The following GABBR2 variants were observed in gnomAD, a reference collection of about 807,000 sequenced individuals.
GABBR2 encodes the protein gamma-aminobutyric acid type B receptor subunit 2.
Under a neutral mutation model 105.6 loss-of-function variants are expected in GABBR2, and 23 were observed. The observed-to-expected ratio is 0.22, with a 90% CI of 0.16 to 0.31. The LOEUF (loss-of-function observed/expected upper bound fraction) is 0.31, where lower values mean the gene tolerates loss of function less well. Among genes scored for constraint, GABBR2 ranks in the 10% least tolerant of loss-of-function variants. The pLI, the probability that GABBR2 is intolerant of heterozygous loss-of-function variation, is 1.00. For synonymous variants in GABBR2, 478 were observed against 499.7 expected, an observed-to-expected ratio of 0.96 and a Z score of 0.58; for missense variants, 734 against 1,245.5, an observed-to-expected ratio of 0.59 and a Z score of 6.18.
chr9:98,517,166 C>T (rs1827772903), intron 3 of GABBR2, among the ~76,000 whole-genome samples: 1 of 152,234 alleles, frequency 6.6e-6, no homozygotes, highest in African/African-American at 2.4e-5. Flanking sequence ...GGACCGCCTG[C>T]ACCCAGTGAC....
rs1828258085 is a variant in GABBR2, at chr9:98,539,928, AAAAAGAAAAAG to A, written c.630+1934_630+1944del. On this transcript the variant is annotated intron_variant, in intron 3 of 18. Coordinates refer to ENST00000259455, the MANE Select transcript of GABBR2 (RefSeq NM_005458.8). ...AGACTTCGTCTAAAAAAAAAAAAAAAAAAAGAAAAAGAAAAGAAAAAGGAAAAAGCAAGTCT... is the reference window on the plus strand; with the variant it reads ...AGACTTCGTCTAAAAAAAAAAAAAAAAAAAGAAAAAGGAAAAAGCAAGTCT... Among the ~76,000 whole-genome samples, 4 of 151,716 alleles carry A rather than the reference AAAAAGAAAAAG, an allele frequency of 2.6e-5. No individual in the cohort carries two copies. In the South Asian group the frequency reaches 8.3e-4, roughly 32 times the overall value.
chr9:98,500,641 G>A (rs559757176), intron 3 of GABBR2, among the ~76,000 whole-genome samples: 12 of 152,380 alleles, frequency 7.9e-5, no homozygotes, highest in Non-Finnish European at 7.3e-5. Context: ...GGCATGGAGA[G>A]AATGGATGGG....
chr9:98,374,731 G>A (rs1323076685), intron 11 of GABBR2, among the ~76,000 whole-genome samples: 3 of 152,116 alleles, frequency 2.0e-5, no homozygotes, highest in East Asian at 1.9e-4. Flanking sequence ...GTGCTCCTCC[G>A]CTGTGATAGG....
rs1402723382 is a variant in GABBR2 at position 98,702,638 on chromosome 9, A to G, written c.321+5779T>C. 2.6e-5 allele frequency among the ~76,000 whole-genome samples: 4 copies of G among 152,172 alleles called. No homozygotes were observed. The East Asian group carries it at 7.7e-4, about 29-fold the overall frequency. On this transcript the variant is annotated intron_variant, in intron 1 of 18. Transcript: ENST00000259455. ...AACCCTGCATTTCCAAACACACTGC[A>G]CACTTTTTTGCTTCATCTTTGATCT...
intron 1 of GABBR2, among the ~76,000 whole-genome samples, chr9:98,583,855 G>A (rs1038791037): frequency 6.6e-6 from 1 of 152,162 alleles, no homozygotes; most frequent in African/African-American, 2.4e-5. Context: ...ACGTGAAGAT[G>A]TCCCCCTAAA....
intron 4 of GABBR2, 94 bp downstream of exon 4, chr9:98,496,319 A>G: frequency 1.2e-6 from 1 of 813,568 alleles, no homozygotes; most frequent in Non-Finnish European, 2.1e-6. Context: ...CTTGAGACCC[A>G]GACCAAACTT....
At chr9:98,478,479 T>C (rs1257574654) in intron 5 of GABBR2, among the ~76,000 whole-genome samples, 1 of 152,094 alleles carries the variant, frequency 6.6e-6, no homozygotes, top group East Asian at 1.9e-4. Flanking sequence ...GCCCAAAGCC[T>C]CTGAGAAACT....
rs777464013 is a variant in GABBR2 at position 98,530,171 on chromosome 9, G to A, written c.630+11702C>T. ...TCCCGGGAAGGGTGGTAGGAGCAGC[G>A]TGAAGGGACAGTGCTCTGTTCTGAG... On this transcript the variant is annotated intron_variant, in intron 3 of 18. Coordinates refer to ENST00000259455, the MANE Select transcript of GABBR2 (RefSeq NM_005458.8). Among the ~76,000 whole-genome samples the A allele has an allele frequency of 4.6e-5, 7 of 152,192 alleles. 1 individual carries two copies. The highest frequency in any genetic ancestry group is 7.2e-5 in the African/African-American group (3 of 41,444).
At chr9:98,371,407 C>T (rs1298920298) in intron 12 of GABBR2, 57 bp downstream of exon 12, 1 of 923,182 alleles carries the variant, frequency 1.1e-6, no homozygotes, top group African/African-American at 1.6e-5. Flanking sequence ...TATATACTTG[C>T]TAGATAAATG....
intron 2 of GABBR2, among the ~76,000 whole-genome samples, chr9:98,554,876 C>T (rs999793347): frequency 3.9e-5 from 6 of 152,138 alleles, no homozygotes; most frequent in African/African-American, 9.7e-5. Context: ...AAAACCAAGT[C>T]GATGCTGAGA....
At chr9:98,603,222 G>C (rs1829367900) in intron 1 of GABBR2, among the ~76,000 whole-genome samples, 1 of 152,138 alleles carries the variant, frequency 6.6e-6, no homozygotes, top group Non-Finnish European at 1.5e-5. Flanking sequence ...GTTTCAGAAA[G>C]ATAAACAAGA....
intron 3 of GABBR2, among the ~76,000 whole-genome samples, chr9:98,522,143 TA>T (rs200049946): frequency 2.5e-5 from 3 of 120,386 alleles, no homozygotes; most frequent in African/African-American, 5.7e-5. Flanking sequence ...AATTTAATTG[TA>T]AAAAAAAACT....
intron 11 of GABBR2, among the ~76,000 whole-genome samples, chr9:98,378,088 C>T (rs1831909316): frequency 6.6e-6 from 1 of 152,232 alleles, no homozygotes; most frequent in Non-Finnish European, 1.5e-5. Context: ...ACAACAACAA[C>T]AAAACCACAG....
intron 1 of GABBR2, among the ~76,000 whole-genome samples, chr9:98,618,502 C>CTG (rs1312321016): frequency 2.0e-5 from 3 of 151,532 alleles, no homozygotes; most frequent in Non-Finnish European, 4.4e-5. Context: ...CTCTCTCTCT[C>CTG]TCTCTCTCTC....
At position 98,632,463 on chromosome 9, in the gene GABBR2, C is replaced by G. The variant is rs1280160980; in HGVS notation, c.322-54391G>C. Among the ~76,000 whole-genome samples, 3 of 152,294 alleles carry G rather than the reference C, an allele frequency of 2.0e-5. No homozygotes were observed. In the East Asian group the frequency reaches 5.8e-4, roughly 29 times the overall value. On this transcript the variant is annotated intron_variant, in intron 1 of 18. Coordinates refer to ENST00000259455, the MANE Select transcript of GABBR2 (RefSeq NM_005458.8). The stretch of plus-strand genomic sequence containing the variant: ...CCTTGAGTGGTGGGTTCTGTGCCCC[C>G]TCCTCCTGGACCTGAGCAGACTGTG...
chr9:98,480,569 T>G (rs1387485764), intron 5 of GABBR2, among the ~76,000 whole-genome samples: 1 of 152,178 alleles, frequency 6.6e-6, no homozygotes, highest in Non-Finnish European at 1.5e-5. Context: ...TAGTTGATAA[T>G]TTGTCCCTAA....
chr9:98,363,112 C>A (rs1194787153), intron 12 of GABBR2, among the ~76,000 whole-genome samples: 1 of 152,170 alleles, frequency 6.6e-6, no homozygotes. Context: ...TGATTTTCAC[C>A]CTCCAGGTCT....
chr9:98,314,067 A>G (rs902253879), intron 13 of GABBR2, among the ~76,000 whole-genome samples: 2 of 152,142 alleles, frequency 1.3e-5, no homozygotes, highest in African/African-American at 4.8e-5. Flanking sequence ...GTCCATGTGC[A>G]TTGAGTCCAC....
intron 3 of GABBR2, among the ~76,000 whole-genome samples, chr9:98,510,252 A>C (rs1015109863): frequency 5.3e-4 from 80 of 152,252 alleles, no homozygotes; most frequent in African/African-American, 1.8e-3. Context: ...GCCTGCCCTA[A>C]AAGAGCTCCT....
Sources: gnomAD v4.1 joint callset for allele counts (sites outside exome capture counted in the v4.1 genomes callset) on GRCh38, gnomAD v4.1.1 for gene constraint, MANE v1.5 for transcripts, NCBI Gene and HGNC (gene_info 2026-07-23, HGNC 2026-07-21) for gene names.